OXR1: variants seen among roughly 807,000 people sequenced by gnomAD.
OXR1 encodes the protein oxidation resistance 1.
In OXR1, 41 loss-of-function variants were observed where a neutral mutation model predicts 104.6. That is an observed-to-expected ratio of 0.39 (90% CI 0.31 to 0.51). The LOEUF (loss-of-function observed/expected upper bound fraction) is 0.51, where lower values mean the gene tolerates loss of function less well. OXR1 is among the 20% of genes least tolerant of loss of function. The probability of loss-of-function intolerance (pLI) is 0.77; values close to 1 mark genes in which losing one functional copy is unlikely to be tolerated. For missense variants in OXR1, 955 were observed against 1,031.9 expected (o/e 0.93, Z 1.02); for synonymous variants, 348 against 348.4 (o/e 1.00, Z 0.01).
At chr8:106,490,852 G>A (rs550998901) in intron 2 of OXR1, among the ~76,000 whole-genome samples, 65 of 152,260 alleles carry the variant, frequency 4.3e-4, no homozygotes, top group African/African-American at 1.4e-3. Context: ...CGTGTTTAGC[G>A]TGTGTGGAGG....
chr8:106,347,003 A>G (rs746210291), intron 1 of OXR1, among the ~76,000 whole-genome samples: 2 of 152,244 alleles, frequency 1.3e-5, no homozygotes, highest in African/African-American at 2.4e-5. Context: ...AGATCGCGCC[A>G]TTGCACTCCA....
At chr8:106,657,891 C>G in intron 3 of OXR1, 3 of 1,245,702 alleles carry the variant, frequency 2.4e-6, no homozygotes, top group Non-Finnish European at 2.0e-6. Flanking sequence ...TCCCCTGGGT[C>G]AGGTCTGATG....
rs140839760 is a variant in OXR1, at chr8:106,553,772, G to T, written c.220+34633G>T. Reference sequence around the variant, plus strand: ...CACTTCTTGCCTCCAGTTTTCTTAAGATTCGGCTCAAGTAGCATCGCTTCC... The same window carrying T: ...CACTTCTTGCCTCCAGTTTTCTTAATATTCGGCTCAAGTAGCATCGCTTCC... On this transcript the variant is annotated intron_variant, in intron 3 of 16. Coordinates refer to ENST00000517566, the MANE Select transcript of OXR1 (RefSeq NM_001198533.2). 7.9e-5 allele frequency among the ~76,000 whole-genome samples: 12 copies of T among 152,186 alleles called. No individual in the cohort carries two copies. In the East Asian group the frequency reaches 2.3e-3, roughly 29 times the overall value.
Position 106,359,647 on chromosome 8 carries a change from G to A in OXR1, c.23+11G>A, listed in dbSNP as rs1158003297. 6.5e-7 allele frequency: 1 copy of A among 1,537,902 alleles called. No individual in the cohort carries two copies. Among genetic ancestry groups the A allele is most frequent in the Admixed American group, 2.0e-5 (1 of 50,954 alleles). On this transcript the variant is annotated intron_variant, in intron 2 of 16. Coordinates refer to ENST00000517566, the MANE Select transcript of OXR1 (RefSeq NM_001198533.2). ...GTCTAATCTATCATGGTGAGTGAAT[G>A]GTTTTCTTGCCTTAAATGTAAATGA...
intron 2 of OXR1, among the ~76,000 whole-genome samples, chr8:106,479,394 A>G (rs1821984337): frequency 6.6e-6 from 1 of 152,076 alleles, no homozygotes; most frequent in South Asian, 2.1e-4. Context: ...GCACTGTCTC[A>G]TCTACCTAAT....
chr8:106,283,987 A>G lies in OXR1; in HGVS notation c.-139+13620A>G, dbSNP rs140941528. On this transcript the variant is annotated intron_variant, in intron 1 of 16. Transcript: ENST00000517566. ...AGGTTGCATGAAACTTTTTTTTTTA[A>G]CCCTTTGACCAGCCTCTTCCCAAAT... Among the ~76,000 whole-genome samples, 1,426 of 151,904 alleles carry G rather than the reference A, an allele frequency of 9.4e-3. 15 individuals are homozygous for G. The highest frequency in any genetic ancestry group is 0.032 in the African/African-American group (1,333 of 41,436).
chr8:106,353,021 TG>T (rs1432042642), intron 1 of OXR1, among the ~76,000 whole-genome samples: 1 of 152,198 alleles, frequency 6.6e-6, no homozygotes, highest in Non-Finnish European at 1.5e-5. Flanking sequence ...ACTGTTAGTT[TG>T]GTTTCCTTGT....
chr8:106,516,806 A>G (rs1166062048), intron 2 of OXR1, among the ~76,000 whole-genome samples: 2 of 152,178 alleles, frequency 1.3e-5, no homozygotes, highest in African/African-American at 4.8e-5. Flanking sequence ...GACCTCATTC[A>G]TGTAACTTTT....
intron 2 of OXR1, among the ~76,000 whole-genome samples, chr8:106,403,496 A>G (rs1256356817): frequency 3.3e-5 from 5 of 152,224 alleles, no homozygotes; most frequent in Non-Finnish European, 5.9e-5. Context: ...TTCAAGAATG[A>G]TGGGGCCTCC....
At chr8:106,321,003 A>G (rs1476633352) in intron 1 of OXR1, among the ~76,000 whole-genome samples, 1 of 152,186 alleles carries the variant, frequency 6.6e-6, no homozygotes, top group Non-Finnish European at 1.5e-5. Context: ...AGCAGTTATT[A>G]CCTATACCTT....
At chr8:106,703,950 G>T (rs1830840613) in intron 8 of OXR1, among the ~76,000 whole-genome samples, 1 of 152,146 alleles carries the variant, frequency 6.6e-6, no homozygotes, top group African/African-American at 2.4e-5. Context: ...AATGATAGCT[G>T]TTTTAAAATT....
At chr8:106,569,481 C>T (rs940258938) in intron 3 of OXR1, among the ~76,000 whole-genome samples, 32 of 152,136 alleles carry the variant, frequency 2.1e-4, no homozygotes, top group Admixed American at 2.1e-3. Flanking sequence ...AGCAAATCAT[C>T]GCATCCTAAG....
chr8:106,293,643 G>T (rs1311923889), intron 1 of OXR1, among the ~76,000 whole-genome samples: 2 of 152,144 alleles, frequency 1.3e-5, no homozygotes, highest in African/African-American at 4.8e-5. Context: ...ATTCTTGGAG[G>T]CTGGAAAGTC....
At chr8:106,574,037 C>A (rs185304093) in intron 3 of OXR1, among the ~76,000 whole-genome samples, 3 of 152,258 alleles carry the variant, frequency 2.0e-5, no homozygotes, top group Admixed American at 2.0e-4. Context: ...ACAGAATGGG[C>A]TATTTAAGAT....
intron 2 of OXR1, among the ~76,000 whole-genome samples, chr8:106,486,712 T>G (rs1190573475): frequency 6.6e-6 from 1 of 152,090 alleles, no homozygotes; most frequent in African/African-American, 2.4e-5. Flanking sequence ...TTCATTTATA[T>G]TCCTGTTTAA....
At chr8:106,689,723 G>T (rs993188032) in intron 6 of OXR1, among the ~76,000 whole-genome samples, 1 of 151,928 alleles carries the variant, frequency 6.6e-6, no homozygotes, top group African/African-American at 2.4e-5. Context: ...TGGGAAGCTT[G>T]TGAATATTTG....
At chr8:106,621,489 C>T (rs1173139428) in intron 3 of OXR1, among the ~76,000 whole-genome samples, 1 of 150,576 alleles carries the variant, frequency 6.6e-6, no homozygotes, top group Non-Finnish European at 1.5e-5. Flanking sequence ...TATTGGTTTT[C>T]ACAGTTTCAA....
In OXR1 at chr8:106,594,980, C is replaced by A. The variant is rs563525554; in HGVS notation, c.220+75841C>A. On this transcript the variant is annotated intron_variant, in intron 3 of 16. Transcript: ENST00000517566. ...CTCTGCAGATGCCTGCCCATTGCTG[C>A]TAGATTTTTCAGTGGAAGTTGATGT... Among the ~76,000 whole-genome samples the A allele has an allele frequency of 2.0e-5, 3 of 152,338 alleles. No homozygotes were observed. The South Asian group carries it at 6.2e-4, about 32-fold the overall frequency.
At chr8:106,506,652 C>T (rs1433434895) in intron 2 of OXR1, among the ~76,000 whole-genome samples, 5 of 151,808 alleles carry the variant, frequency 3.3e-5, no homozygotes, top group Non-Finnish European at 5.9e-5. Flanking sequence ...TGTTTAATCC[C>T]AAAGAAATAG....
Sources: allele counts gnomAD v4.1 joint callset (sites outside exome capture counted in the v4.1 genomes callset), GRCh38; gene constraint gnomAD v4.1.1; transcripts MANE v1.5; gene names NCBI Gene and HGNC (gene_info 2026-07-23, HGNC 2026-07-21).